The following NUP160 variants were observed in gnomAD, a reference collection of about 807,000 sequenced individuals.
NUP160 encodes nucleoporin 160, also known as nuclear pore complex protein Nup160.
Under a neutral mutation model 196.9 loss-of-function variants are expected in NUP160, and 94 were observed. That is an observed-to-expected ratio of 0.48 (90% confidence interval 0.40 to 0.57). The LOEUF is 0.57. Ranked by LOEUF, NUP160 falls within the 20% of genes least tolerant of loss-of-function variation. The probability of loss-of-function intolerance (pLI) is 0.00; values close to 1 mark genes in which losing one functional copy is unlikely to be tolerated. For missense variants in NUP160, 1,638 were observed against 1,748.3 expected (o/e 0.94, Z 1.13); for synonymous variants, 605 against 619.7 (o/e 0.98, Z 0.35).
chr11:47,828,654 A>C (rs2135391876), intron 7 of NUP160, among the ~76,000 whole-genome samples: 1 of 152,302 alleles, frequency 6.6e-6, no homozygotes. Context: ...AGAAGAACAA[A>C]GTAAGAGGGC....
intron 4 of NUP160, among the ~76,000 whole-genome samples, chr11:47,839,332 C>G (rs967182161): frequency 1.3e-5 from 2 of 152,098 alleles, no homozygotes; most frequent in African/African-American, 4.8e-5. Flanking sequence ...CTCAGGTGAC[C>G]CACCTGCCTT....
rs534958118 is a variant in NUP160, at chr11:47,833,853, A to T, written c.1101+1798T>A. On this transcript the variant is annotated intron_variant, in intron 7 of 35. Transcript: ENST00000378460. ...ACACATCATCACAATTCAGTGCTGG[A>T]AGAATTAAGCATGTCCTGTGAGACT... 1.4e-4 allele frequency among the ~76,000 whole-genome samples: 22 copies of T among 152,336 alleles called. No individual in the cohort carries two copies. In the South Asian group the frequency reaches 4.1e-3, roughly 29 times the overall value.
exon 13 of NUP160, chr11:47,815,520 G>A (rs2097683912): frequency 6.2e-7 from 1 of 1,608,896 alleles, no homozygotes; most frequent in African/African-American, 1.3e-5. Context: ...GGATTCAAAT[G>A]TAGGGCAAGA....
chr11:47,796,759 T>A (rs1307007503), intron 27 of NUP160, among the ~76,000 whole-genome samples: 1 of 152,188 alleles, frequency 6.6e-6, no homozygotes, highest in Non-Finnish European at 1.5e-5. Context: ...CTCTGTCACC[T>A]AGGCTGGAGT....
intron 9 of NUP160, chr11:47,821,461 G>T: frequency 3.1e-6 from 1 of 327,072 alleles, no homozygotes. Flanking sequence ...GGGTTCAAGC[G>T]ATTCTCATGC....
At chr11:47,781,553 T>C (rs2097660842) in intron 34 of NUP160, among the ~76,000 whole-genome samples, 1 of 152,180 alleles carries the variant, frequency 6.6e-6, no homozygotes, top group East Asian at 1.9e-4. Flanking sequence ...TGTGAGCTAT[T>C]GCACCTGGCT....
At position 47,815,599 on chromosome 11, in the gene NUP160, A is replaced by G. The variant is rs755570740; in HGVS notation, c.1566T>C (p.Asn522=). ...ACTTGCACCAGAATTCTTGTTGTAA[A>G]TTTCGAAACTCCTCCTGGGAGAATT... is the stretch of plus-strand genomic sequence containing the variant. The change falls in exon 13 of 36, where the codon AAT becomes AAC. Residue 522 remains asparagine, a synonymous_variant. Coordinates refer to ENST00000378460, the Ensembl canonical transcript of NUP160. 2.5e-6 allele frequency: 4 copies of G among 1,612,320 alleles called. No homozygotes were observed. The Admixed American group carries it at 6.7e-5, about 27-fold the overall frequency.
chr11:47,801,506 C>G (rs537759487), intron 23 of NUP160, among the ~76,000 whole-genome samples: 2 of 152,048 alleles, frequency 1.3e-5, no homozygotes, highest in Non-Finnish European at 2.9e-5. Context: ...CCCGCCACCA[C>G]GCCAGGCTAA....
chr11:47,798,633 G>A (rs2097672297), intron 23 of NUP160, among the ~76,000 whole-genome samples, 170 bp from the exon 24 acceptor site: 1 of 151,830 alleles, frequency 6.6e-6, no homozygotes, highest in Non-Finnish European at 1.5e-5. Context: ...AGGCCAGCCT[G>A]GGCAATATGG....
At chr11:47,811,579 A>AT (rs1236062389) in intron 17 of NUP160, among the ~76,000 whole-genome samples, 3 of 152,184 alleles carry the variant, frequency 2.0e-5, no homozygotes, top group Non-Finnish European at 4.4e-5. Context: ...ATAGTTACTA[A>AT]TAATACTACA....
chr11:47,846,112 G>A (rs1341881044), intron 2 of NUP160, among the ~76,000 whole-genome samples: 1 of 148,406 alleles, frequency 6.7e-6, no homozygotes, highest in African/African-American at 2.5e-5. Flanking sequence ...CTCCAGCCTG[G>A]ACAATGGAGC....
chr11:47,779,046 G>T, exon 36 of NUP160: 1 of 1,203,984 alleles, frequency 8.3e-7, no homozygotes, highest in Non-Finnish European at 1.2e-6. Context: ...GGTTCCTGTA[G>T]GGTAGTCTTA....
chr11:47,846,169 A>G (rs1265933335), intron 2 of NUP160, among the ~76,000 whole-genome samples: 2 of 151,692 alleles, frequency 1.3e-5, no homozygotes, highest in Non-Finnish European at 2.9e-5. Context: ...GAAAGAAAAA[A>G]AAATTTTTTT....
chr11:47,796,846 C>T (rs1378996460), intron 27 of NUP160, among the ~76,000 whole-genome samples: 1 of 152,190 alleles, frequency 6.6e-6, no homozygotes, highest in African/African-American at 2.4e-5. Flanking sequence ...GCATCCGCCA[C>T]CATGCCCGGC....
chr11:47,785,056 C>G, exon 33 of NUP160: 1 of 1,467,378 alleles, frequency 6.8e-7, no homozygotes, highest in Non-Finnish European at 9.1e-7. Context: ...CATGCTTCAT[C>G]TGTAGCACTT....
intron 7 of NUP160, among the ~76,000 whole-genome samples, chr11:47,829,963 C>G (rs1002788505): frequency 5.3e-4 from 81 of 152,326 alleles, no homozygotes; most frequent in African/African-American, 1.9e-3. Context: ...TATTTGCAAA[C>G]TATGCATCTG....
chr11:47,792,898 C>T lies in NUP160; in HGVS notation c.3338G>A (p.Arg1113Gln), dbSNP rs201664152. 26 of 1,613,942 alleles carry T rather than the reference C, an allele frequency of 1.6e-5. No homozygotes were observed. The Admixed American group carries it at 2.2e-4, about 13-fold the overall frequency. ...TTGTTTCTCAAGTCCCCGGAGAGTT[C>T]GAACTTCTCTGCCAAGCCGCATTCC... Residue 1113 changes from arginine (R) to glutamine (Q), a missense_variant, in exon 28 of 36, where the codon CGA (arginine) becomes CAA (glutamine). Arg to Gln is a conservative substitution (Grantham distance 43). Transcript: ENST00000378460.
rs879052498 is a variant in NUP160 at position 47,847,655 on chromosome 11, G to A, written c.314+193C>T. ...TGTATGTGTGTGTGGGGGTGGGGGG[G>A]GGGAGGGGGAGAGGTATCTCTTCTA... is the stretch of plus-strand genomic sequence containing the variant. On this transcript the variant is annotated intron_variant, in intron 2 of 35. Coordinates refer to ENST00000378460, the Ensembl canonical transcript of NUP160. Among the ~76,000 whole-genome samples, 20 of 120,810 alleles carry A rather than the reference G, an allele frequency of 1.7e-4. No homozygotes were observed. The South Asian group carries it at 4.3e-3, about 26-fold the overall frequency. The allele number at this position is 120,810 out of a possible 152,430, so 79.3% of individuals were successfully genotyped here. A position where few individuals can be genotyped will look rare whatever the true frequency, so the allele number is the denominator to read the frequency against.
rs370012109 is a variant in NUP160 at position 47,815,938 on chromosome 11, A to G, written c.1515+8T>C. The G allele has an allele frequency of 1.9e-6, 3 of 1,603,694 alleles. No homozygotes were observed. Among genetic ancestry groups the G allele is most frequent in the Non-Finnish European group, 2.6e-6 (3 of 1,170,706 alleles). ...GGAATTCTTATTCTTTCTCTACCCAAGCCTCACCTCATTTTCAACAGCTAA... is the reference window on the plus strand; with the variant it reads ...GGAATTCTTATTCTTTCTCTACCCAGGCCTCACCTCATTTTCAACAGCTAA... On this transcript the variant is annotated splice_region_variant and intron_variant, in intron 12 of 35. Coordinates refer to ENST00000378460, the Ensembl canonical transcript of NUP160.
Sources: gnomAD v4.1 joint callset for allele counts (sites outside exome capture counted in the v4.1 genomes callset) on GRCh38, gnomAD v4.1.1 for gene constraint, MANE v1.5 for transcripts, NCBI Gene and HGNC (gene_info 2026-07-23, HGNC 2026-07-21) for gene names.